KDM4C: variants seen among roughly 807,000 people sequenced by gnomAD.
KDM4C encodes lysine-specific demethylase 4C.
In KDM4C, 81 loss-of-function variants were observed where a neutral mutation model predicts 129.3. The observed-to-expected ratio is 0.63, with a 90% CI of 0.52 to 0.75. The LOEUF is 0.75. Among genes scored for constraint, KDM4C ranks in the 30% least tolerant of loss-of-function variants. The pLI is 0.00. For synonymous variants in KDM4C, 573 were observed against 456.1 expected, an observed-to-expected ratio of 1.26 and a Z score of -3.26; for missense variants, 1,457 against 1,304.0, an observed-to-expected ratio of 1.12 and a Z score of -1.81.
chr9:6,831,095 C>G (rs117601236), intron 4 of KDM4C, among the ~76,000 whole-genome samples: 4,289 of 152,262 alleles, frequency 0.028, 112 homozygotes, highest in Admixed American at 0.076. Context: ...GTCATAGACT[C>G]TGTTATTTTT....
intron 8 of KDM4C, among the ~76,000 whole-genome samples, chr9:6,899,724 C>T (rs1301019690): frequency 6.6e-6 from 1 of 152,154 alleles, no homozygotes; most frequent in Non-Finnish European, 1.5e-5. Flanking sequence ...TCTGAAACTT[C>T]AAGAAGTCTG....
At chr9:6,812,296 G>A (rs967225580) in intron 3 of KDM4C, among the ~76,000 whole-genome samples, 2 of 152,034 alleles carry the variant, frequency 1.3e-5, no homozygotes, top group Non-Finnish European at 2.9e-5. Context: ...TGGTATAGGT[G>A]TAAAGCAGAT....
intron 8 of KDM4C, among the ~76,000 whole-genome samples, chr9:6,972,259 A>G (rs937806770): frequency 6.6e-6 from 1 of 151,872 alleles, no homozygotes; most frequent in African/African-American, 2.4e-5. Flanking sequence ...GTGTGTGTAT[A>G]TATATATACA....
intron 5 of KDM4C, among the ~76,000 whole-genome samples, chr9:6,859,253 A>G (rs61292664): frequency 0.025 from 3,803 of 152,154 alleles, 157 homozygotes; most frequent in African/African-American, 0.086. Flanking sequence ...CGAGGCAGGC[A>G]GATCACGAGG....
chr9:7,173,522 C>T (rs946390970), intron 21 of KDM4C, among the ~76,000 whole-genome samples: 2 of 152,244 alleles, frequency 1.3e-5, no homozygotes, highest in African/African-American at 4.8e-5. Context: ...TCCAGTGGTA[C>T]TGTGGGAAAT....
At chr9:6,972,121 C>A (rs1832085735) in intron 8 of KDM4C, among the ~76,000 whole-genome samples, 1 of 151,934 alleles carries the variant, frequency 6.6e-6, no homozygotes, top group Non-Finnish European at 1.5e-5. Flanking sequence ...AAATAAAACA[C>A]CTTTGGTTTA....
At chr9:6,751,892 A>C (rs1818072135) in intron 1 of KDM4C, among the ~76,000 whole-genome samples, 2 of 152,192 alleles carry the variant, frequency 1.3e-5, no homozygotes, top group Admixed American at 1.3e-4. Context: ...GAATTTGATA[A>C]ATTTGAGGTA....
chr9:7,140,824 T>G (rs1307494843), intron 19 of KDM4C, among the ~76,000 whole-genome samples: 1 of 152,182 alleles, frequency 6.6e-6, no homozygotes, highest in African/African-American at 2.4e-5. Flanking sequence ...AAAGATGTGC[T>G]TCGAATTGAG....
chr9:6,746,393 C>T (rs186082951), intron 1 of KDM4C, among the ~76,000 whole-genome samples: 4 of 150,230 alleles, frequency 2.7e-5, no homozygotes, highest in Admixed American at 6.7e-5. Context: ...CTCAGCCTCC[C>T]GAGTAGCTGG....
At chr9:6,949,788 A>G (rs1827783725) in intron 8 of KDM4C, among the ~76,000 whole-genome samples, 1 of 152,210 alleles carries the variant, frequency 6.6e-6, no homozygotes, top group South Asian at 2.1e-4. Flanking sequence ...CGGAGATGGC[A>G]GCAGTACAGT....
At chr9:6,955,462 C>T (rs545995530) in intron 8 of KDM4C, among the ~76,000 whole-genome samples, 1 of 152,132 alleles carries the variant, frequency 6.6e-6, no homozygotes. Flanking sequence ...TATAGAGGCC[C>T]CTTTTCCAAG....
At chr9:6,762,904 C>A (rs931344204) in intron 1 of KDM4C, among the ~76,000 whole-genome samples, 2 of 151,862 alleles carry the variant, frequency 1.3e-5, no homozygotes, top group Non-Finnish European at 2.9e-5. Context: ...GGTGATCCAC[C>A]CCCTCACCCT....
At chr9:6,918,002 A>G (rs1481868320) in intron 8 of KDM4C, among the ~76,000 whole-genome samples, 2 of 152,210 alleles carry the variant, frequency 1.3e-5, no homozygotes, top group East Asian at 1.9e-4. Context: ...TTTGAAAAAT[A>G]TCTTCTCTTT....
At chr9:6,792,776 A>G (rs887952895) in intron 1 of KDM4C, among the ~76,000 whole-genome samples, 196 bp from the exon 2 acceptor site, 2 of 152,152 alleles carry the variant, frequency 1.3e-5, no homozygotes, top group African/African-American at 4.8e-5. Flanking sequence ...GGAACTTGGC[A>G]AGAGGAATGA....
intron 4 of KDM4C, among the ~76,000 whole-genome samples, chr9:6,829,797 A>G (rs1834508604): frequency 6.6e-6 from 1 of 152,216 alleles, no homozygotes; most frequent in South Asian, 2.1e-4. Context: ...GGTTTACAGA[A>G]GGGCTTTGAT....
intron 1 of KDM4C, among the ~76,000 whole-genome samples, chr9:6,748,209 A>C (rs555660870): frequency 1.3e-4 from 19 of 150,330 alleles, no homozygotes; most frequent in Middle Eastern, 3.6e-3. Flanking sequence ...AACAATTAAA[A>C]AAAAACAACA....
At chr9:6,888,781 GTTTTTTTTT>G (rs779606475) in intron 7 of KDM4C, among the ~76,000 whole-genome samples, 1 of 115,048 alleles carries the variant, frequency 8.7e-6, no homozygotes, top group Admixed American at 1.0e-4. Flanking sequence ...CTTCTTCTGT[GTTTTTTTTT>G]TTTTTTTTTT....
chr9:6,930,343 A>T (rs557256192), intron 8 of KDM4C, among the ~76,000 whole-genome samples: 1 of 152,246 alleles, frequency 6.6e-6, no homozygotes, highest in South Asian at 2.1e-4. Flanking sequence ...GTTTCTCTAG[A>T]ATCTTTTTAT....
chr9:6,815,545 A>C (rs185041001), intron 4 of KDM4C, among the ~76,000 whole-genome samples: 1 of 152,120 alleles, frequency 6.6e-6, no homozygotes, highest in East Asian at 1.9e-4. Flanking sequence ...TTTCTTATCT[A>C]CTGAAAGGTG....
Sources: gnomAD v4.1 joint callset for allele counts (sites outside exome capture counted in the v4.1 genomes callset) on GRCh38, gnomAD v4.1.1 for gene constraint, MANE v1.5 for transcripts, NCBI Gene and HGNC (gene_info 2026-07-23, HGNC 2026-07-21) for gene names.